Variants in RAP1GAP2 observed in about 807,000 individuals in gnomAD.
RAP1GAP2 encodes rap1 GTPase-activating protein 2.
A neutral mutation model predicts 95.0 loss-of-function variants in RAP1GAP2; 27 were observed. That is an observed-to-expected ratio of 0.28 (90% CI 0.21 to 0.39). The LOEUF is 0.39. Among genes scored for constraint, RAP1GAP2 ranks in the 10% least tolerant of loss-of-function variants. The pLI is 1.00. For missense variants in RAP1GAP2, 771 were observed against 970.0 expected, an observed-to-expected ratio of 0.79 and a Z score of 2.72; for synonymous variants, 373 against 380.9, an observed-to-expected ratio of 0.98 and a Z score of 0.24.
At chr17:2,841,804 A>T (rs2071384006) in intron 2 of RAP1GAP2, among the ~76,000 whole-genome samples, 1 of 152,306 alleles carries the variant, frequency 6.6e-6, no homozygotes, top group East Asian at 1.9e-4. Flanking sequence ...TCTCAGACAC[A>T]GCGCAGAGGG....
Position 2,965,997 on chromosome 17 carries a change from T to C in RAP1GAP2, c.596+354T>C. 1 of 254,606 alleles carries C rather than the reference T, an allele frequency of 3.9e-6. No homozygotes were observed. The highest frequency in any genetic ancestry group is 7.7e-6 in the Non-Finnish European group (1 of 130,198). 15.8% of individuals were successfully genotyped at this position (254,606 alleles called of 1,614,324 possible). A position where few individuals can be genotyped will look rare whatever the true frequency, so the allele number is the denominator to read the frequency against. On this transcript the variant is annotated intron_variant, in intron 8 of 24. Coordinates refer to ENST00000254695, the MANE Select transcript of RAP1GAP2 (RefSeq NM_015085.5). The surrounding 1 kb of genome is among the most constrained non-coding windows in gnomAD (Gnocchi z 4.7). ...CCTGCTGAGACACAGCTCCGAGTCC[T>C]GGGAGAGGGTTCGCCAGAGTGCTGC...
At chr17:2,816,378 C>T (rs1256207490) in intron 2 of RAP1GAP2, among the ~76,000 whole-genome samples, 1 of 152,062 alleles carries the variant, frequency 6.6e-6, no homozygotes, top group Non-Finnish European at 1.5e-5. Flanking sequence ...CACTCTGTCG[C>T]CCAGGCTGAA....
rs577137850 is a variant in RAP1GAP2, at chr17:3,002,413, G to A, written c.1201-2956G>A. ...AGACACTGAGGCTGGAAGGCCAGAC[G>A]TGTGAATGAGGCCAGGGAGGGGGAC... On this transcript the variant is annotated intron_variant, in intron 14 of 24. Coordinates refer to ENST00000254695, the MANE Select transcript of RAP1GAP2 (RefSeq NM_015085.5). Among the ~76,000 whole-genome samples the A allele has an allele frequency of 1.8e-4, 28 of 152,328 alleles. No homozygotes were observed. The South Asian group carries it at 1.9e-3, about 10-fold the overall frequency.
intron 2 of RAP1GAP2, among the ~76,000 whole-genome samples, chr17:2,863,798 A>G (rs2072508439): frequency 6.6e-6 from 1 of 152,078 alleles, no homozygotes; most frequent in Non-Finnish European, 1.5e-5. Context: ...GGCTCACACC[A>G]GTAATCCCAG....
At chr17:2,844,856 G>A (rs1348608586) in intron 2 of RAP1GAP2, among the ~76,000 whole-genome samples, 6 of 152,166 alleles carry the variant, frequency 3.9e-5, no homozygotes, top group Non-Finnish European at 5.9e-5. Flanking sequence ...AGAAAGAGAT[G>A]AATTCAGACA....
chr17:2,873,900 T>C (rs2072966394), intron 2 of RAP1GAP2, among the ~76,000 whole-genome samples: 1 of 152,006 alleles, frequency 6.6e-6, no homozygotes, highest in African/African-American at 2.4e-5. Context: ...GTAGCTGGGA[T>C]TACAGGCATG....
At chr17:2,927,383 G>T (rs972654252) in intron 3 of RAP1GAP2, among the ~76,000 whole-genome samples, 1 of 152,072 alleles carries the variant, frequency 6.6e-6, no homozygotes, top group South Asian at 2.1e-4. Flanking sequence ...TCGATCTCCT[G>T]ACCTCGTGAT....
intron 3 of RAP1GAP2, among the ~76,000 whole-genome samples, chr17:2,952,043 A>AAAATG (rs2043944130): frequency 1.3e-5 from 2 of 151,698 alleles, no homozygotes; most frequent in Non-Finnish European, 2.9e-5. Context: ...CAGAAAAAAT[A>AAAATG]AAATAAAATA....
At position 3,018,184 on chromosome 17, in the gene RAP1GAP2, A is replaced by C; in HGVS notation, c.1618A>C (p.Lys540Gln). Residue 540 changes from lysine (K) to glutamine (Q), a missense_variant, in exon 18 of 25, where the codon AAG (lysine) becomes CAG (glutamine). Coordinates refer to ENST00000254695, the MANE Select transcript of RAP1GAP2 (RefSeq NM_015085.5). ...CTCCCACAACAGCATGGAGGTCACCAAGACCACCTTCTCGGTGAGTGCTGG... is the reference window on the plus strand; with the variant it reads ...CTCCCACAACAGCATGGAGGTCACCCAGACCACCTTCTCGGTGAGTGCTGG... ...GISHNSMEVT[K>Q]TTFSPPVVAA... The C allele has an allele frequency of 1.3e-6, 2 of 1,573,646 alleles. No individual in the cohort carries two copies. Among genetic ancestry groups the C allele is most frequent in the Non-Finnish European group, 1.7e-6 (2 of 1,160,268 alleles).
chr17:2,853,803 C>T (rs184115332), intron 2 of RAP1GAP2, among the ~76,000 whole-genome samples: 1 of 146,942 alleles, frequency 6.8e-6, no homozygotes, highest in Non-Finnish European at 1.5e-5. Context: ...CCCGAGGAGA[C>T]GCTGAAGGTC....
chr17:2,847,163 G>C (rs1325613433), intron 2 of RAP1GAP2, among the ~76,000 whole-genome samples: 1 of 152,040 alleles, frequency 6.6e-6, no homozygotes, highest in Non-Finnish European at 1.5e-5. Flanking sequence ...CGCCCGCCAC[G>C]TTGCCTGGCT....
intron 3 of RAP1GAP2, among the ~76,000 whole-genome samples, chr17:2,930,569 C>A (rs1447264948): frequency 6.6e-6 from 1 of 152,208 alleles, no homozygotes; most frequent in Non-Finnish European, 1.5e-5. Context: ...CCGAGGTCTG[C>A]AAGGCAGCAC....
Position 2,817,474 on chromosome 17 carries a change from G to A in RAP1GAP2, c.80+16924G>A, listed in dbSNP as rs75921977. ...TGGGTCTCTGTTTTCAGTTCTTTTG[G>A]GTATCTATTTAGGAGCAGAATTGCT... On this transcript the variant is annotated intron_variant, in intron 2 of 24. Transcript: ENST00000254695. Among the ~76,000 whole-genome samples, 746 of 119,614 alleles carry A rather than the reference G, an allele frequency of 6.2e-3. 157 individuals are homozygous for A. Among genetic ancestry groups the A allele is most frequent in the African/African-American group, 0.019 (704 of 36,128 alleles). The allele number at this position is 119,614 out of a possible 152,430, so 78.5% of individuals were successfully genotyped here.
At chr17:3,030,024 T>G (rs2047240974) in intron 22 of RAP1GAP2, among the ~76,000 whole-genome samples, 1 of 149,174 alleles carries the variant, frequency 6.7e-6, no homozygotes, top group South Asian at 2.1e-4. Flanking sequence ...TGTTTGTTAA[T>G]AAGTATTTTA....
rs2047403113 is a variant in RAP1GAP2, at chr17:3,033,932, A to G, written c.*571A>G. 6.6e-6 allele frequency: 1 copy of G among 152,232 alleles called. No homozygotes were observed. Among genetic ancestry groups the G allele is most frequent in the African/African-American group, 2.4e-5 (1 of 41,418 alleles). The allele number at this position is 152,232 out of a possible 1,614,324, so 9.4% of individuals were successfully genotyped here. A position where few individuals can be genotyped will look rare whatever the true frequency, so the allele number is the denominator to read the frequency against. On this transcript the variant is annotated 3_prime_UTR_variant, in exon 25 of 25. Transcript: ENST00000254695. This position sits in a 1 kb window ranked among gnomAD's most constrained non-coding sequence, Gnocchi z 4.9. ...GGCGCTATTGCCCCCGTAGCTCTGGAGCTCTAAACCGTCTATCTGCTTCTG... is the reference window on the plus strand; with the variant it reads ...GGCGCTATTGCCCCCGTAGCTCTGGGGCTCTAAACCGTCTATCTGCTTCTG...
In RAP1GAP2 at chr17:2,764,304, C is replaced by T. The variant is rs188995379; in HGVS notation, c.51-6025C>T. 2.8e-3 allele frequency among the ~76,000 whole-genome samples: 425 copies of T among 151,470 alleles called. 1 individual carries two copies. The highest frequency in any genetic ancestry group is 3.5e-3 in the Non-Finnish European group (240 of 67,820). ...AAAATTAGCCGGGCATGGTGGCGGG[C>T]GCCTGTAATCCCAGCTACTCGGGAG... is the stretch of plus-strand genomic sequence containing the variant. On this transcript the variant is annotated intron_variant, in intron 1 of 25. Coordinates refer to the RAP1GAP2 transcript ENST00000637138.
chr17:2,853,662 C>T, intron 2 of RAP1GAP2, among the ~76,000 whole-genome samples: 1 of 144,314 alleles, frequency 6.9e-6, no homozygotes, highest in East Asian at 2.1e-4. Context: ...GCGCGGGAGG[C>T]GGGGCCGGGG....
chr17:3,017,040 C>T (rs1487310839), intron 17 of RAP1GAP2, among the ~76,000 whole-genome samples: 1 of 152,122 alleles, frequency 6.6e-6, no homozygotes, highest in East Asian at 1.9e-4. Flanking sequence ...CCTTTGGAGC[C>T]AGAGAGAGCA....
chr17:2,861,743 C>T (rs569243995), intron 2 of RAP1GAP2, among the ~76,000 whole-genome samples: 3 of 152,212 alleles, frequency 2.0e-5, no homozygotes, highest in Admixed American at 1.3e-4. Flanking sequence ...AGGTTCATGC[C>T]ATTCTCCTGC....
Sources: gnomAD v4.1 joint callset for allele counts (sites outside exome capture counted in the v4.1 genomes callset) on GRCh38, gnomAD v4.1.1 for gene constraint, Gnocchi (gnomAD v3.1) non-coding constraint, MANE v1.5 for transcripts, NCBI Gene and HGNC (gene_info 2026-07-23, HGNC 2026-07-21) for gene names.